MACROD2: variants seen among roughly 807,000 people sequenced by gnomAD.
The protein encoded by MACROD2 is ADP-ribose glycohydrolase MACROD2.
MACROD2 carries 36 observed loss-of-function variants against 70.4 expected under a neutral mutation model. That is an observed-to-expected ratio of 0.51 (90% CI 0.39 to 0.68). The LOEUF (loss-of-function observed/expected upper bound fraction) is 0.68. Ranked by LOEUF, MACROD2 falls within the 30% of genes least tolerant of loss-of-function variation. The pLI is 0.00. For missense variants in MACROD2, 496 were observed against 538.4 expected (o/e 0.92, Z 0.78); for synonymous variants, 172 against 178.8 (o/e 0.96, Z 0.30).
chr20:15,944,185 C>G (rs1005398085), intron 12 of MACROD2, among the ~76,000 whole-genome samples: 1 of 152,030 alleles, frequency 6.6e-6, no homozygotes, highest in African/African-American at 2.4e-5. Flanking sequence ...TTCCTCAGGA[C>G]AAATTCCTGG....
chr20:15,648,242 A>G (rs2049583821), intron 8 of MACROD2, among the ~76,000 whole-genome samples: 1 of 152,198 alleles, frequency 6.6e-6, no homozygotes, highest in African/African-American at 2.4e-5. Context: ...TTAGGTGGTT[A>G]ACTTAATAGG....
chr20:15,254,887 G>A (rs1470397099), intron 6 of MACROD2, among the ~76,000 whole-genome samples: 1 of 147,680 alleles, frequency 6.8e-6, no homozygotes, highest in African/African-American at 2.5e-5. Context: ...TTTGTCAAAC[G>A]TGAATTCCTT....
chr20:14,456,713 CT>C (rs10696382), intron 3 of MACROD2, among the ~76,000 whole-genome samples: 2,997 of 101,026 alleles, frequency 0.03, 37 homozygotes, highest in African/African-American at 0.1. Flanking sequence ...GACTCAGGAT[CT>C]TTTTTTTTTT....
At chr20:14,273,809 G>A (rs2082222674) in intron 3 of MACROD2, among the ~76,000 whole-genome samples, 1 of 149,826 alleles carries the variant, frequency 6.7e-6, no homozygotes, top group African/African-American at 2.5e-5. Flanking sequence ...ATGATAAAGG[G>A]GATATCACCA....
intron 5 of MACROD2, among the ~76,000 whole-genome samples, chr20:14,848,792 A>G (rs1157298282): frequency 2.0e-5 from 3 of 152,136 alleles, no homozygotes; most frequent in Admixed American, 2.0e-4. Flanking sequence ...TGAGTAGATT[A>G]TATAATCGGA....
At chr20:15,979,609 T>A (rs906667176) in intron 13 of MACROD2, among the ~76,000 whole-genome samples, 2 of 152,132 alleles carry the variant, frequency 1.3e-5, no homozygotes, top group African/African-American at 4.8e-5. Flanking sequence ...AGCTCTAGAA[T>A]GTTTTTTAAA....
Position 15,123,889 on chromosome 20 carries a change from C to T in MACROD2, c.419-106051C>T, listed in dbSNP as rs182292579. Among the ~76,000 whole-genome samples the T allele has an allele frequency of 4.6e-5, 7 of 152,194 alleles. No homozygotes were observed. The East Asian group carries it at 5.8e-4, about 13-fold the overall frequency. On this transcript the variant is annotated intron_variant, in intron 5 of 17. Transcript: ENST00000684519. ...GTGTGTGCACTGGCACTCACACATGCGATAAAAAGTGCTTTCCTGTGTTCC... is the reference window on the plus strand; with the variant it reads ...GTGTGTGCACTGGCACTCACACATGTGATAAAAAGTGCTTTCCTGTGTTCC...
At chr20:14,251,585 GA>G (rs1283134814) in intron 3 of MACROD2, among the ~76,000 whole-genome samples, 1 of 151,998 alleles carries the variant, frequency 6.6e-6, no homozygotes, top group African/African-American at 2.4e-5. Context: ...ACTCATTAAG[GA>G]TTTAATAAAA....
At chr20:15,952,613 C>T (rs969973117) in intron 12 of MACROD2, among the ~76,000 whole-genome samples, 6 of 152,226 alleles carry the variant, frequency 3.9e-5, no homozygotes, top group South Asian at 2.1e-4. Flanking sequence ...CCCTTTCGCA[C>T]GTACATCTCC....
At position 15,507,232 on chromosome 20, in the gene MACROD2, T is replaced by C. The variant is rs1414139956; in HGVS notation, c.645+7385T>C. 4.0e-5 allele frequency among the ~76,000 whole-genome samples: 6 copies of C among 150,398 alleles called. No homozygotes were observed. The East Asian group carries it at 1.2e-3, about 29-fold the overall frequency. On this transcript the variant is annotated intron_variant, in intron 8 of 17. Transcript: ENST00000684519. ...CTCTACCTCTTTATTTTTCTCTCCCTCTCTCCCTACCGTTCTCTTTCTCTC... is the reference window on the plus strand; with the variant it reads ...CTCTACCTCTTTATTTTTCTCTCCCCCTCTCCCTACCGTTCTCTTTCTCTC...
rs1431180313 is a variant in MACROD2, at chr20:14,555,981, AT to A, written c.301+62477del. On this transcript the variant is annotated intron_variant, in intron 4 of 17. Transcript: ENST00000684519. ...TATTCTATTGTGTTCTCATCCAACT[AT>A]TTTAACTAATTGAAGTGACTTAACC... is the stretch of plus-strand genomic sequence containing the variant. Among the ~76,000 whole-genome samples, 6 of 152,122 alleles carry A rather than the reference AT, an allele frequency of 3.9e-5. No homozygotes were observed. The East Asian group carries it at 1.2e-3, about 30-fold the overall frequency.
intron 4 of MACROD2, chr20:14,566,443 A>G (rs1479145631): frequency 1.3e-5 from 2 of 152,054 alleles, no homozygotes; most frequent in Non-Finnish European, 2.9e-5. Context: ...CCTCAAAAAA[A>G]AAATTAGGAT....
At chr20:15,512,856 T>G (rs2047517993) in intron 8 of MACROD2, among the ~76,000 whole-genome samples, 1 of 152,150 alleles carries the variant, frequency 6.6e-6, no homozygotes, top group Non-Finnish European at 1.5e-5. Context: ...TTTCTGCTGT[T>G]CAAAATTTTC....
intron 7 of MACROD2, among the ~76,000 whole-genome samples, chr20:15,456,574 G>A (rs537324650): frequency 6.1e-4 from 93 of 152,286 alleles, no homozygotes; most frequent in African/African-American, 2.1e-3. Flanking sequence ...TGTGAACTGA[G>A]TCTTCAGGAA....
intron 6 of MACROD2, among the ~76,000 whole-genome samples, chr20:15,266,772 C>A (rs1330532233): frequency 6.6e-6 from 1 of 152,170 alleles, no homozygotes; most frequent in Non-Finnish European, 1.5e-5. Flanking sequence ...ACCTCAGTGA[C>A]CCTGTCTCTA....
intron 3 of MACROD2, among the ~76,000 whole-genome samples, chr20:14,350,492 A>C (rs1479778467): frequency 5.9e-5 from 9 of 151,998 alleles, no homozygotes; most frequent in Admixed American, 5.9e-4. Flanking sequence ...TTTGCTTTGC[A>C]TTTCCCTGAT....
intron 5 of MACROD2, among the ~76,000 whole-genome samples, chr20:14,839,527 T>C (rs1210782076): frequency 5.9e-5 from 9 of 152,112 alleles, no homozygotes; most frequent in Admixed American, 3.3e-4. Flanking sequence ...GTTTCCCATT[T>C]CCCATAAAAT....
intron 3 of MACROD2, among the ~76,000 whole-genome samples, chr20:14,226,369 C>G (rs898604029): frequency 6.6e-6 from 1 of 152,236 alleles, no homozygotes; most frequent in Non-Finnish European, 1.5e-5. Flanking sequence ...AGCCTTCGCT[C>G]GCTCTCGGCG....
intron 3 of MACROD2, among the ~76,000 whole-genome samples, chr20:14,087,539 T>C: frequency 6.6e-6 from 1 of 152,158 alleles, no homozygotes; most frequent in Non-Finnish European, 1.5e-5. Context: ...GTCTAAAATG[T>C]AAAAGTCTTC....
Sources: gnomAD v4.1 joint callset for allele counts (sites outside exome capture counted in the v4.1 genomes callset) on GRCh38, gnomAD v4.1.1 for gene constraint, MANE v1.5 for transcripts, NCBI Gene and HGNC (gene_info 2026-07-23, HGNC 2026-07-21) for gene names.